The following PHOSPHO1 variants were observed in gnomAD, a reference collection of about 807,000 sequenced individuals.
The protein encoded by PHOSPHO1 is phosphoethanolamine/phosphocholine phosphatase.
A neutral mutation model predicts 17.7 loss-of-function variants in PHOSPHO1; 6 were observed. The ratio of observed to expected loss-of-function variants is 0.34; its 90% CI spans 0.19 to 0.67. PHOSPHO1 has a LOEUF of 0.67. PHOSPHO1 is among the 30% of genes least tolerant of loss of function. The pLI, the probability that PHOSPHO1 is intolerant of heterozygous loss-of-function variation, is 0.69. For missense variants in PHOSPHO1, 330 were observed against 392.1 expected (o/e 0.84, Z 1.34); for synonymous variants, 159 against 174.6 (o/e 0.91, Z 0.71).
rs946856305 is a variant in PHOSPHO1 at position 49,224,315 on chromosome 17, G to A, written c.735C>T (p.Ala245=). The A allele has an allele frequency of 1.9e-5, 31 of 1,593,846 alleles. No homozygotes were observed. The highest frequency in any genetic ancestry group is 2.0e-5 in the Non-Finnish European group (24 of 1,173,922). The part of the protein sequence containing the change: ...AQKAEPSSFR[A]SVVPWETAAD... ...CAGCCGTTTCCCAGGGCACCACGCT[G>A]GCGCGGAACGAGCTGGGCTCGGCCT... Residue 245 remains alanine (A), a synonymous_variant, in exon 3 of 3, where the codon GCC becomes GCT. Coordinates refer to ENST00000310544, the MANE Select transcript of PHOSPHO1 (RefSeq NM_178500.4).
At position 49,230,495 on chromosome 17, in the gene PHOSPHO1, C is replaced by G. The variant is rs1429412747; in HGVS notation, c.-95G>C. On this transcript the variant is annotated 5_prime_UTR_variant, in exon 1 of 3. Coordinates refer to ENST00000310544, the MANE Select transcript of PHOSPHO1 (RefSeq NM_178500.4). ...GGGGGCGGCGGCAGCAGAGGTCTGT[C>G]CCGGCTGAGTTTGGAGTGTAAGAAG... The G allele has an allele frequency of 1.3e-5, 2 of 152,902 alleles. No individual in the cohort carries two copies. The highest frequency in any genetic ancestry group is 3.8e-4 in the East Asian group (2 of 5,208). 9.5% of individuals were successfully genotyped at this position (152,902 alleles called of 1,614,324 possible).
chr17:49,225,670 G>T, intron 2 of PHOSPHO1: 1 of 1,290,108 alleles, frequency 7.8e-7, no homozygotes, highest in Non-Finnish European at 1.0e-6. Flanking sequence ...TCCCCAGGAG[G>T]AACGTGTCAG....
Position 49,223,888 on chromosome 17 carries a change from A to G in PHOSPHO1, c.*358T>C. 4.6e-6 allele frequency: 1 copy of G among 215,330 alleles called. No individual in the cohort carries two copies. Among genetic ancestry groups the G allele is most frequent in the Non-Finnish European group, 9.2e-6 (1 of 109,014 alleles). The allele number at this position is 215,330 out of a possible 1,614,324, so 13.3% of individuals were successfully genotyped here. Reference sequence around the variant, plus strand: ...GGCGGTCACGCAGCCCGAGGCAACAAGTTACAGCGGCGGGAGATGTTCCTT... The same window carrying G: ...GGCGGTCACGCAGCCCGAGGCAACAGGTTACAGCGGCGGGAGATGTTCCTT... On this transcript the variant is annotated 3_prime_UTR_variant, in exon 3 of 3. Coordinates refer to ENST00000310544, the MANE Select transcript of PHOSPHO1 (RefSeq NM_178500.4).
rs776117497 is a variant in PHOSPHO1, at chr17:49,226,665, G to C, written c.27C>G (p.Gly9=). Residue 9 remains glycine, a synonymous_variant, in exon 2 of 3, where the codon GGC becomes GGG. Transcript: ENST00000310544. MSGCFPVS[G]LRCLSRDGRM... is the part of the protein sequence containing the mutation. ...CACTTACCCTAGATAGGCAGCGGAG[G>C]CCAGAAACTGGAAAACAGCCACTCA... 24 of 1,614,092 alleles carry C rather than the reference G, an allele frequency of 1.5e-5. No individual in the cohort carries two copies. The highest frequency in any genetic ancestry group is 2.0e-5 in the Non-Finnish European group (24 of 1,180,044).
chr17:49,225,254 A>G, intron 2 of PHOSPHO1: 1 of 1,406,266 alleles, frequency 7.1e-7, no homozygotes, highest in Non-Finnish European at 9.2e-7. Context: ...TTATGCCCAG[A>G]GGGCTTCTCG....
chr17:49,229,638 G>C (rs540894724), intron 1 of PHOSPHO1, among the ~76,000 whole-genome samples: 8 of 152,090 alleles, frequency 5.3e-5, no homozygotes, highest in African/African-American at 9.7e-5. Flanking sequence ...ATGAGGATGG[G>C]GAGGCGAGGA....
rs117029634 is a variant in PHOSPHO1, at chr17:49,225,763, C to G, written c.46-759G>C. On this transcript the variant is annotated intron_variant, in intron 2 of 2. Coordinates refer to ENST00000310544, the MANE Select transcript of PHOSPHO1 (RefSeq NM_178500.4). Reference sequence around the variant, plus strand: ...TTGGGGAGGTAAGAGCCTCCCGCACCAGGCCATGACACACCTGGGAGACAG... The same window carrying G: ...TTGGGGAGGTAAGAGCCTCCCGCACGAGGCCATGACACACCTGGGAGACAG... The G allele has an allele frequency of 2.4e-6, 3 of 1,269,234 alleles. No individual in the cohort carries two copies. The Admixed American group carries it at 7.4e-5, about 31-fold the overall frequency. The allele number at this position is 1,269,234 out of a possible 1,614,324, so 78.6% of individuals were successfully genotyped here.
chr17:49,226,783 A>G, intron 1 of PHOSPHO1, 25 bp from the exon 2 acceptor site: 1 of 1,471,492 alleles, frequency 6.8e-7, no homozygotes, highest in Middle Eastern at 1.7e-4. Context: ...AGTTCATTTG[A>G]GGGTGCCCAG....
Position 49,226,700 on chromosome 17 carries a change from C to T in PHOSPHO1, c.-9G>A, listed in dbSNP as rs200975802. On this transcript the variant is annotated 5_prime_UTR_variant, in exon 2 of 3. It removes an upstream start codon present in the reference 5' UTR. Transcript: ENST00000310544. Reference sequence around the variant, plus strand: ...GGAAAACAGCCACTCATTGTCGGTGCATTACCGTGAGCACCACCTGTAGGG... The same window carrying T: ...GGAAAACAGCCACTCATTGTCGGTGTATTACCGTGAGCACCACCTGTAGGG... The T allele has an allele frequency of 6.2e-7, 1 of 1,614,070 alleles. No individual in the cohort carries two copies. Among genetic ancestry groups the T allele is most frequent in the African/African-American group, 1.3e-5 (1 of 74,944 alleles).
intron 1 of PHOSPHO1, among the ~76,000 whole-genome samples, chr17:49,227,571 C>T (rs1459581177): frequency 6.6e-6 from 1 of 152,136 alleles, no homozygotes; most frequent in Non-Finnish European, 1.5e-5. Flanking sequence ...GGAGACAAGA[C>T]CTTGAGAGAA....
chr17:49,226,543 CT>C (rs2043359166), intron 2 of PHOSPHO1, 103 bp downstream of exon 2: 1 of 1,269,518 alleles, frequency 7.9e-7, no homozygotes, highest in Admixed American at 1.9e-5. Flanking sequence ...GAGGGTAAAC[CT>C]AAAACGGGCT....
At position 49,224,402 on chromosome 17, in the gene PHOSPHO1, G is replaced by T. The variant is rs2143556711; in HGVS notation, c.648C>A (p.Gly216=). The T allele has an allele frequency of 6.5e-7, 1 of 1,544,938 alleles. No individual in the cohort carries two copies. The highest frequency in any genetic ancestry group is 8.7e-7 in the Non-Finnish European group (1 of 1,148,320). ...CGCGGCGCGGGAAGGCCACGTCGCC[G>T]CCCGCCAGCAGCCCCATGGGGCAGA... is the stretch of plus-strand genomic sequence containing the variant. ...NDFCPMGLLA[G]GDVAFPRRGY... is the part of the protein sequence containing the mutation. The change falls in exon 3 of 3, where the codon GGC becomes GGA. Residue 216 remains glycine, a synonymous_variant. Transcript: ENST00000310544.
chr17:49,226,588 T>A, intron 2 of PHOSPHO1, 59 bp downstream of exon 2: 1 of 1,575,646 alleles, frequency 6.3e-7, no homozygotes, highest in Admixed American at 1.7e-5. Flanking sequence ...TATGGAAAGG[T>A]GATGGGAAAC....
chr17:49,225,767 C>T, intron 2 of PHOSPHO1: 12 of 1,267,210 alleles, frequency 9.5e-6, no homozygotes, highest in Non-Finnish European at 1.2e-5. Context: ...CCGCACCAGG[C>T]CATGACACAC....
intron 2 of PHOSPHO1, 112 bp downstream of exon 2, chr17:49,226,535 G>T: frequency 9.0e-7 from 1 of 1,113,344 alleles, no homozygotes; most frequent in African/African-American, 1.6e-5. Context: ...GTAGAGGTGA[G>T]GGTAAACCTA....
At chr17:49,225,324 G>A (rs1320166760) in intron 2 of PHOSPHO1, 1 of 985,314 alleles carries the variant, frequency 1.0e-6, no homozygotes, top group Non-Finnish European at 1.2e-6. Context: ...TCAAAAGAAG[G>A]GAAGAGCAGC....
chr17:49,225,045 G>T, intron 2 of PHOSPHO1, 41 bp from the exon 3 acceptor site: 1 of 1,454,026 alleles, frequency 6.9e-7, no homozygotes. Flanking sequence ...GGAGGAGGAG[G>T]GGGCAAGCGA....
intron 1 of PHOSPHO1, among the ~76,000 whole-genome samples, chr17:49,228,032 T>G (rs1479746777): frequency 2.0e-5 from 3 of 152,142 alleles, no homozygotes; most frequent in Admixed American, 2.0e-4. Flanking sequence ...ACCTTCCAGA[T>G]TCCCAGCTGA....
chr17:49,225,121 AC>A, intron 2 of PHOSPHO1, 117 bp from the exon 3 acceptor site: 1 of 1,441,008 alleles, frequency 6.9e-7, no homozygotes, highest in Non-Finnish European at 9.1e-7. Context: ...AGGCGCTGGC[AC>A]ATCCAACACC....
Sources: allele counts gnomAD v4.1 joint callset (sites outside exome capture counted in the v4.1 genomes callset), GRCh38; gene constraint gnomAD v4.1.1; transcripts MANE v1.5; gene names NCBI Gene and HGNC (gene_info 2026-07-23, HGNC 2026-07-21).